Variants in GREB1L observed in about 807,000 individuals in gnomAD.
GREB1L encodes GREB1 like retinoic acid receptor coactivator.
GREB1L carries 17 observed loss-of-function variants against 200.8 expected under a neutral mutation model. The observed-to-expected ratio is 0.08, with a 90% CI of 0.06 to 0.13. The LOEUF (loss-of-function observed/expected upper bound fraction) is 0.13. Ranked by LOEUF, GREB1L falls within the 10% of genes least tolerant of loss-of-function variation. The pLI is 1.00. For missense variants in GREB1L, 1,657 were observed against 2,367.7 expected (o/e 0.70, Z 6.23); for synonymous variants, 789 against 893.0 (o/e 0.88, Z 2.08).
intron 16 of GREB1L, among the ~76,000 whole-genome samples, chr18:21,475,746 T>A (rs1442038815): frequency 2.6e-5 from 4 of 151,638 alleles, no homozygotes; most frequent in Non-Finnish European, 5.9e-5. Context: ...GTGGGTGGAT[T>A]ACTTGGGGAC....
chr18:21,408,447 T>A (rs1413522100), intron 7 of GREB1L, among the ~76,000 whole-genome samples: 1 of 152,102 alleles, frequency 6.6e-6, no homozygotes, highest in Non-Finnish European at 1.5e-5. Flanking sequence ...TACAAATGGC[T>A]AATAAGCACA....
chr18:21,444,322 G>T lies in GREB1L; in HGVS notation c.1306G>T (p.Asp436Tyr), dbSNP rs2034085808. The T allele has an allele frequency of 4.5e-6, 7 of 1,551,974 alleles. No homozygotes were observed. Among genetic ancestry groups the T allele is most frequent in the Non-Finnish European group, 6.1e-6 (7 of 1,146,962 alleles). Reference sequence around the variant, plus strand: ...CAAGATTCCACAGTTGGAAAACAAAGATTTGGAAAAATTAGGGTTGACCGG... The same window carrying T: ...CAAGATTCCACAGTTGGAAAACAAATATTTGGAAAAATTAGGGTTGACCGG... Reference protein sequence around the residue: ...CYKIPQLENKDLEKLGLTGSQ... With the variant: ...CYKIPQLENKYLEKLGLTGSQ... The change falls in exon 11 of 33, where the codon GAT (aspartate) becomes TAT (tyrosine). Residue 436 changes from aspartate to tyrosine, a missense_variant. Physicochemically the swap from Asp to Tyr is radical, Grantham distance 160. Coordinates refer to ENST00000424526, the MANE Select transcript of GREB1L (RefSeq NM_001142966.3).
At chr18:21,344,208 T>C (rs1238669191) in intron 1 of GREB1L, among the ~76,000 whole-genome samples, 1 of 152,184 alleles carries the variant, frequency 6.6e-6, no homozygotes, top group Non-Finnish European at 1.5e-5. Context: ...GAGACCATCC[T>C]GGCTAACATG....
intron 18 of GREB1L, among the ~76,000 whole-genome samples, chr18:21,488,010 CAA>C (rs1000068603): frequency 8.1e-6 from 1 of 122,946 alleles, no homozygotes; most frequent in African/African-American, 3.0e-5. Context: ...GACTCCATCT[CAA>C]AAAAAAAAAA....
At chr18:21,251,002 A>G (rs1490086839) in intron 1 of GREB1L, among the ~76,000 whole-genome samples, 2 of 152,208 alleles carry the variant, frequency 1.3e-5, no homozygotes, top group Non-Finnish European at 2.9e-5. Flanking sequence ...TTACATGAAT[A>G]GGATCATATT....
At chr18:21,474,229 A>T (rs2035596107) in intron 16 of GREB1L, among the ~76,000 whole-genome samples, 1 of 152,338 alleles carries the variant, frequency 6.6e-6, no homozygotes, top group East Asian at 1.9e-4. Flanking sequence ...CTCATCTGAG[A>T]CAAGGCAAGT....
intron 7 of GREB1L, among the ~76,000 whole-genome samples, chr18:21,405,358 G>A (rs1238926078): frequency 6.6e-6 from 1 of 152,198 alleles, no homozygotes; most frequent in East Asian, 1.9e-4. Flanking sequence ...ATGTTATGCT[G>A]TGAAATATAA....
At chr18:21,309,531 T>C (rs1336881603) in intron 1 of GREB1L, among the ~76,000 whole-genome samples, 1 of 152,196 alleles carries the variant, frequency 6.6e-6, no homozygotes, top group African/African-American at 2.4e-5. Context: ...TGCACGATGC[T>C]GTTTGAGTGA....
intron 1 of GREB1L, among the ~76,000 whole-genome samples, chr18:21,258,584 T>C (rs1463328328): frequency 1.3e-5 from 2 of 152,196 alleles, no homozygotes; most frequent in African/African-American, 2.4e-5. Context: ...TTACGTTGAC[T>C]GGAAATACCA....
chr18:21,488,841 G>C (rs2036223944), intron 18 of GREB1L, among the ~76,000 whole-genome samples: 1 of 152,104 alleles, frequency 6.6e-6, no homozygotes, highest in South Asian at 2.1e-4. Flanking sequence ...ATTTTTAGTA[G>C]AGATGGGGTT....
At position 21,523,870 on chromosome 18, in the gene GREB1L, T is replaced by G. The variant is rs1743381860; in HGVS notation, c.*1049T>G. 6.6e-6 allele frequency: 1 copy of G among 152,214 alleles called. No homozygotes were observed. The allele number at this position is 152,214 out of a possible 1,614,324, so 9.4% of individuals were successfully genotyped here. On this transcript the variant is annotated 3_prime_UTR_variant, in exon 33 of 33. Transcript: ENST00000424526. ...AAGAGAAATGTTTTTTTACTTAATC[T>G]TACCAGTGACTCTTGTGAGGAGTAA...
chr18:21,502,250 CAAAA>C (rs1156864566), intron 23 of GREB1L, among the ~76,000 whole-genome samples: 2 of 95,348 alleles, frequency 2.1e-5, no homozygotes, highest in African/African-American at 3.9e-5. Flanking sequence ...GACTCTGTCT[CAAAA>C]AAAAAAAAAA....
intron 24 of GREB1L, 30 bp from the exon 25 acceptor site, chr18:21,505,780 T>C (rs775785309): frequency 6.5e-7 from 1 of 1,542,436 alleles, no homozygotes. Flanking sequence ...TGTTATCTCA[T>C]GGGATGGCTT....
intron 1 of GREB1L, among the ~76,000 whole-genome samples, chr18:21,355,973 AT>A (rs2039496413): frequency 6.7e-6 from 1 of 149,210 alleles, no homozygotes; most frequent in Non-Finnish European, 1.5e-5. Flanking sequence ...TTTTAAAATA[AT>A]TAGGCTTCTT....
At chr18:21,491,133 A>C (rs970605600) in intron 19 of GREB1L, among the ~76,000 whole-genome samples, 1 of 152,222 alleles carries the variant, frequency 6.6e-6, no homozygotes, top group Non-Finnish European at 1.5e-5. Context: ...CCTAGCCATT[A>C]GAAAGCATTT....
At chr18:21,437,817 A>T (rs2033642666) in intron 7 of GREB1L, among the ~76,000 whole-genome samples, 1 of 152,232 alleles carries the variant, frequency 6.6e-6, no homozygotes, top group Non-Finnish European at 1.5e-5. Context: ...TTCCAATTTG[A>T]ACAAGCCAAC....
chr18:21,346,772 G>A (rs1039080772), intron 1 of GREB1L, among the ~76,000 whole-genome samples: 5 of 152,142 alleles, frequency 3.3e-5, no homozygotes, highest in Non-Finnish European at 5.9e-5. Context: ...GGGAGCCTCG[G>A]TCCTGTCTCG....
chr18:21,439,426 C>G, intron 7 of GREB1L, 95 bp from the exon 8 acceptor site: 2 of 720,152 alleles, frequency 2.8e-6, no homozygotes, highest in Non-Finnish European at 4.9e-6. Flanking sequence ...TCTTGGAATC[C>G]TAGAGTGTGA....
intron 1 of GREB1L, among the ~76,000 whole-genome samples, chr18:21,308,397 A>C (rs932052773): frequency 6.6e-6 from 1 of 152,242 alleles, no homozygotes; most frequent in African/African-American, 2.4e-5. Flanking sequence ...GTGTTCAGAT[A>C]ATTGTAATTC....
Sources: allele counts gnomAD v4.1 joint callset (sites outside exome capture counted in the v4.1 genomes callset), GRCh38; gene constraint gnomAD v4.1.1; transcripts MANE v1.5; gene names NCBI Gene and HGNC (gene_info 2026-07-23, HGNC 2026-07-21).